CDK6: variants seen among roughly 807,000 people sequenced by gnomAD.
CDK6 encodes cyclin-dependent kinase 6.
CDK6 carries 6 observed loss-of-function variants against 37.1 expected under a neutral mutation model. The ratio of observed to expected loss-of-function variants is 0.16; its 90% CI spans 0.09 to 0.32. The LOEUF is 0.32. Ranked by LOEUF, CDK6 falls within the 10% of genes least tolerant of loss-of-function variation. The pLI, the probability that CDK6 is intolerant of heterozygous loss-of-function variation, is 1.00. For missense variants in CDK6, 224 were observed against 418.9 expected (o/e 0.53, Z 4.06); for synonymous variants, 160 against 161.3 (o/e 0.99, Z 0.06).
chr7:92,759,697 CAAAAAAAAAA>C (rs61188860), intron 3 of CDK6, among the ~76,000 whole-genome samples: 1 of 74,142 alleles, frequency 1.3e-5, no homozygotes, highest in Non-Finnish European at 2.9e-5. Context: ...GACTTTAAGG[CAAAAAAAAAA>C]AAAAAAAAAG....
intron 2 of CDK6, among the ~76,000 whole-genome samples, chr7:92,790,597 A>G (rs1018630540): frequency 1.3e-5 from 2 of 152,212 alleles, no homozygotes; most frequent in African/African-American, 4.8e-5. Context: ...AAAGTAGACA[A>G]AGTATCAACT....
chr7:92,708,852 A>G (rs1798023820), intron 4 of CDK6, among the ~76,000 whole-genome samples: 1 of 152,218 alleles, frequency 6.6e-6, no homozygotes, highest in Admixed American at 6.5e-5. Flanking sequence ...ATTACTATAC[A>G]TATTCAATAC....
intron 2 of CDK6, among the ~76,000 whole-genome samples, chr7:92,785,216 A>G (rs1800094529): frequency 6.6e-6 from 1 of 152,238 alleles, no homozygotes; most frequent in South Asian, 2.1e-4. Context: ...AAAGAAATGA[A>G]GAACAAATAC....
intron 4 of CDK6, among the ~76,000 whole-genome samples, chr7:92,673,410 T>C (rs1354156307): frequency 1.3e-5 from 2 of 152,204 alleles, no homozygotes; most frequent in Non-Finnish European, 2.9e-5. Flanking sequence ...TCAAGTTTTG[T>C]TTAAGTAATA....
Position 92,607,797 on chromosome 7 carries a change from T to A in CDK6, c.*7343A>T. On this transcript the variant is annotated 3_prime_UTR_variant, in exon 8 of 8. Transcript: ENST00000424848. ...AAATTCCATGTACTAACTAATATATTTACTACAGGTAATAGGAAAACAAAT... is the reference window on the plus strand; with the variant it reads ...AAATTCCATGTACTAACTAATATATATACTACAGGTAATAGGAAAACAAAT... 4.3e-6 allele frequency: 1 copy of A among 233,126 alleles called. No homozygotes were observed. The highest frequency in any genetic ancestry group is 8.5e-6 in the Non-Finnish European group (1 of 117,856). 14.4% of individuals were successfully genotyped at this position (233,126 alleles called of 1,614,324 possible).
Position 92,609,630 on chromosome 7 carries a change from G to A in CDK6, c.*5510C>T, listed in dbSNP as rs1795517517. The A allele has an allele frequency of 4.8e-5, 11 of 231,222 alleles. No individual in the cohort carries two copies. The East Asian group carries it at 6.8e-4, about 14-fold the overall frequency. The allele number at this position is 231,222 out of a possible 1,614,324, so 14.3% of individuals were successfully genotyped here. A position where few individuals can be genotyped will look rare whatever the true frequency, so the allele number is the denominator to read the frequency against. The stretch of plus-strand genomic sequence containing the variant: ...ATTAGGATTTTAAAATTTAATCAAT[G>A]TTGAAAGGCCACCATGCTAGGGAAT... On this transcript the variant is annotated 3_prime_UTR_variant, in exon 8 of 8. Coordinates refer to ENST00000424848, the MANE Select transcript of CDK6 (RefSeq NM_001145306.2).
At chr7:92,806,911 T>C (rs1800740107) in intron 2 of CDK6, among the ~76,000 whole-genome samples, 1 of 152,176 alleles carries the variant, frequency 6.6e-6, no homozygotes. Flanking sequence ...ACTTTGTGTT[T>C]CCCACAAGAG....
At chr7:92,728,864 C>T (rs945776615) in intron 3 of CDK6, among the ~76,000 whole-genome samples, 3 of 151,988 alleles carry the variant, frequency 2.0e-5, no homozygotes, top group African/African-American at 7.3e-5. Context: ...ACTTAAAAAA[C>T]AAAATCTTGC....
intron 3 of CDK6, among the ~76,000 whole-genome samples, chr7:92,761,094 T>A (rs1432583493): frequency 6.6e-6 from 1 of 152,074 alleles, no homozygotes; most frequent in Non-Finnish European, 1.5e-5. Flanking sequence ...ACCTTTGCCA[T>A]AGTTTTTGCA....
intron 3 of CDK6, among the ~76,000 whole-genome samples, chr7:92,748,761 G>C (rs180852050): frequency 1.8e-4 from 28 of 152,230 alleles, no homozygotes; most frequent in African/African-American, 6.5e-4. Context: ...CTTAAATCTA[G>C]TTGAGGCACT....
At chr7:92,665,444 T>C (rs538575580) in intron 5 of CDK6, among the ~76,000 whole-genome samples, 21 of 152,102 alleles carry the variant, frequency 1.4e-4, no homozygotes, top group Non-Finnish European at 2.8e-4. Context: ...GATAAAAAAA[T>C]GTAGCTCTTA....
intron 3 of CDK6, among the ~76,000 whole-genome samples, chr7:92,767,131 G>A (rs1417111582): frequency 6.6e-6 from 1 of 152,028 alleles, no homozygotes. Context: ...CTTTTTATAG[G>A]ATTGGAGATT....
chr7:92,732,165 C>T (rs961030272), intron 3 of CDK6, among the ~76,000 whole-genome samples: 18 of 152,312 alleles, frequency 1.2e-4, no homozygotes, highest in Admixed American at 5.9e-4. Flanking sequence ...CACCTGTAAT[C>T]CTAGCACTTT....
At chr7:92,702,563 T>G (rs1198949977) in intron 4 of CDK6, among the ~76,000 whole-genome samples, 1 of 152,110 alleles carries the variant, frequency 6.6e-6, no homozygotes, top group African/African-American at 2.4e-5. Context: ...TGAAAAAACT[T>G]CCATCTTAAC....
At chr7:92,775,582 T>C (rs1193487066) in intron 2 of CDK6, among the ~76,000 whole-genome samples, 1 of 152,146 alleles carries the variant, frequency 6.6e-6, no homozygotes, top group African/African-American at 2.4e-5. Flanking sequence ...AAAATTTAAG[T>C]TTTAAAAACT....
intron 2 of CDK6, among the ~76,000 whole-genome samples, chr7:92,813,448 A>G (rs1337566255): frequency 6.6e-6 from 1 of 152,214 alleles, no homozygotes; most frequent in Non-Finnish European, 1.5e-5. Flanking sequence ...CTGCCAAGTT[A>G]AAATGAAAAC....
chr7:92,760,002 C>T (rs139301627), intron 3 of CDK6, among the ~76,000 whole-genome samples: 19 of 152,260 alleles, frequency 1.2e-4, no homozygotes, highest in African/African-American at 3.4e-4. Context: ...TATCTATTCA[C>T]GGACAATCTC....
intron 2 of CDK6, among the ~76,000 whole-genome samples, chr7:92,826,984 G>A (rs569921776): frequency 6.6e-6 from 1 of 151,994 alleles, no homozygotes; most frequent in Non-Finnish European, 1.5e-5. Context: ...CATCTCAAGG[G>A]ATTTTTTTCT....
intron 2 of CDK6, among the ~76,000 whole-genome samples, chr7:92,817,117 G>A (rs932327621): frequency 6.6e-6 from 1 of 151,780 alleles, no homozygotes; most frequent in Non-Finnish European, 1.5e-5. Flanking sequence ...AAATGTTTAA[G>A]AAAGAAAGAA....
Sources: gnomAD v4.1 joint callset for allele counts (sites outside exome capture counted in the v4.1 genomes callset) on GRCh38, gnomAD v4.1.1 for gene constraint, MANE v1.5 for transcripts, NCBI Gene and HGNC (gene_info 2026-07-23, HGNC 2026-07-21) for gene names.